The following ANK3 variants were observed in gnomAD, a reference collection of about 807,000 sequenced individuals.
ANK3 encodes the protein ankyrin-3.
A neutral mutation model predicts 370.9 loss-of-function variants in ANK3; 57 were observed. The observed-to-expected ratio is 0.15, with a 90% CI of 0.12 to 0.19. The LOEUF (loss-of-function observed/expected upper bound fraction) is 0.19. Among genes scored for constraint, ANK3 ranks in the 10% least tolerant of loss-of-function variants. The pLI is 1.00. For missense variants in ANK3, 4,439 were observed against 5,302.1 expected (o/e 0.84, Z 5.06); for synonymous variants, 1,929 against 1,946.3 (o/e 0.99, Z 0.23).
intron 2 of ANK3, among the ~76,000 whole-genome samples, chr10:60,503,179 G>A (rs917067052): frequency 6.6e-6 from 1 of 152,062 alleles, no homozygotes; most frequent in African/African-American, 2.4e-5. Flanking sequence ...AGAGGACTTT[G>A]GCATACAAAG....
At chr10:60,377,730 G>T (rs1002011503) in intron 1 of ANK3, among the ~76,000 whole-genome samples, 3 of 152,156 alleles carry the variant, frequency 2.0e-5, no homozygotes, top group African/African-American at 7.2e-5. Context: ...AAGGCCAGGG[G>T]CAGGGTGCCT....
chr10:60,517,756 AAGAG>A (rs57698250), intron 2 of ANK3, among the ~76,000 whole-genome samples: 18,283 of 149,662 alleles, frequency 0.12, 1,454 homozygotes, highest in South Asian at 0.19. Flanking sequence ...AAAAGAGAGA[AAGAG>A]AGAGAGAGAG....
chr10:60,080,734 ATG>A, intron 35 of ANK3, 116 bp from the exon 36 acceptor site: 1 of 911,280 alleles, frequency 1.1e-6, no homozygotes, highest in Non-Finnish European at 1.6e-6. Context: ...TTCTTAGGAA[ATG>A]TTAATTTCCC....
chr10:60,192,649 A>G (rs1018366009), intron 16 of ANK3, among the ~76,000 whole-genome samples: 1 of 152,186 alleles, frequency 6.6e-6, no homozygotes, highest in Non-Finnish European at 1.5e-5. Flanking sequence ...ATGTGTGCAC[A>G]TGGACATAAA....
chr10:60,071,839 A>G lies in ANK3; in HGVS notation c.9042T>C (p.Asp3014=). Reference sequence around the variant, plus strand: ...TGATTTCTGAATAGGTAACTTTTTCATCTTCTATAGAATTAAAGTGCTGTG... The same window carrying G: ...TGATTTCTGAATAGGTAACTTTTTCGTCTTCTATAGAATTAAAGTGCTGTG... The part of the protein sequence containing the change: ...VETQHFNSIE[D]EKVTYSEISK... Residue 3014 remains aspartate, a synonymous_variant, in exon 37 of 44, where the codon GAT becomes GAC. Coordinates refer to ENST00000280772, the MANE Select transcript of ANK3 (RefSeq NM_020987.5). 1 of 1,612,974 alleles carries G rather than the reference A, an allele frequency of 6.2e-7. No individual in the cohort carries two copies. Among genetic ancestry groups the G allele is most frequent in the Non-Finnish European group, 8.5e-7 (1 of 1,179,522 alleles).
At chr10:60,140,800 T>C (rs946875513) in intron 23 of ANK3, 2 of 1,008,816 alleles carry the variant, frequency 2.0e-6, no homozygotes, top group Non-Finnish European at 2.4e-6. Context: ...CTTTCGGTAA[T>C]TTGATACCAA....
chr10:60,642,505 C>T (rs2078648508), intron 1 of ANK3, among the ~76,000 whole-genome samples: 1 of 151,996 alleles, frequency 6.6e-6, no homozygotes, highest in South Asian at 2.1e-4. Flanking sequence ...AATTGGAAAT[C>T]ATCATTCTCA....
intron 1 of ANK3, among the ~76,000 whole-genome samples, chr10:60,617,309 CT>C (rs149083066): frequency 1.3e-4 from 19 of 151,170 alleles, no homozygotes; most frequent in Admixed American, 1.3e-4. Context: ...TTACCCTTGG[CT>C]TTTTTTTTAA....
At chr10:60,442,122 A>T (rs145576306) in intron 2 of ANK3, among the ~76,000 whole-genome samples, 3 of 145,714 alleles carry the variant, frequency 2.1e-5, no homozygotes, top group African/African-American at 5.2e-5. Flanking sequence ...TTGAGATGGA[A>T]TCTTGCTCTG....
At chr10:60,560,066 TAGAG>T (rs765176045) in intron 2 of ANK3, among the ~76,000 whole-genome samples, 2 of 150,074 alleles carry the variant, frequency 1.3e-5, no homozygotes, top group Admixed American at 6.6e-5. Flanking sequence ...GATAGATGGA[TAGAG>T]AGAGAGAGAG....
chr10:60,173,156 G>A lies in ANK3; in HGVS notation c.2215C>T (p.His739Tyr), dbSNP rs769810351. ...MGYTPLHVGC[H>Y]YGNIKIVNFL... Reference sequence around the variant, plus strand: ...TTAACAATCTTGATATTTCCATAGTGGCAGCCCACATGCAGTGGTGTGTAT... The same window carrying A: ...TTAACAATCTTGATATTTCCATAGTAGCAGCCCACATGCAGTGGTGTGTAT... The change falls in exon 19 of 44, where the codon CAC (histidine) becomes TAC (tyrosine). Residue 739 changes from histidine to tyrosine, a missense_variant. By Grantham distance (83) the His-to-Tyr change is moderately conservative. Coordinates refer to ENST00000280772, the MANE Select transcript of ANK3 (RefSeq NM_020987.5). The A allele has an allele frequency of 5.6e-6, 9 of 1,613,768 alleles. No homozygotes were observed. The highest frequency in any genetic ancestry group is 5.0e-5 in the Admixed American group (3 of 59,982).
Position 60,223,712 on chromosome 10 carries a change from A to G in ANK3, c.898-10202T>C, listed in dbSNP as rs894968139. Among the ~76,000 whole-genome samples the G allele has an allele frequency of 2.6e-5, 4 of 152,192 alleles. No homozygotes were observed. The South Asian group carries it at 6.2e-4, about 24-fold the overall frequency. On this transcript the variant is annotated intron_variant, in intron 8 of 43. Coordinates refer to ENST00000280772, the MANE Select transcript of ANK3 (RefSeq NM_020987.5). ...TGTCTACTTCAGTAGCACTATTAAA[A>G]TACCTTATTTTTCCAGAAAAGTAAA...
chr10:60,236,676 A>G (rs1219205646), intron 7 of ANK3, among the ~76,000 whole-genome samples: 2 of 152,236 alleles, frequency 1.3e-5, no homozygotes, highest in African/African-American at 4.8e-5. Context: ...AAGGTTGCAC[A>G]TTCTCTTTGC....
In ANK3 at chr10:60,501,554, A is replaced by G. The variant is rs2133143897; in HGVS notation, c.96+113632T>C. ...ACCCTGTTTCTACCAAAAATACAAAAATTAGCTGGGCGTGGTGGTGCACAC... is the reference window on the plus strand; with the variant it reads ...ACCCTGTTTCTACCAAAAATACAAAGATTAGCTGGGCGTGGTGGTGCACAC... On this transcript the variant is annotated intron_variant, in intron 2 of 43. Transcript: ENST00000373827. Among the ~76,000 whole-genome samples the G allele has an allele frequency of 2.0e-5, 3 of 152,106 alleles. No individual in the cohort carries two copies. The Middle Eastern group carries it at 0.01, about 517-fold the overall frequency.
At chr10:60,271,059 A>G (rs1022945112) in intron 4 of ANK3, among the ~76,000 whole-genome samples, 1 of 152,054 alleles carries the variant, frequency 6.6e-6, no homozygotes, top group African/African-American at 2.4e-5. Context: ...TTTCCTACTA[A>G]AAAAATGTTG....
At chr10:60,688,720 G>A (rs561573476) in intron 1 of ANK3, among the ~76,000 whole-genome samples, 2 of 152,104 alleles carry the variant, frequency 1.3e-5, no homozygotes, top group East Asian at 1.9e-4. Context: ...AGGCCGAGGC[G>A]GGCGGATCAC....
intron 1 of ANK3, among the ~76,000 whole-genome samples, chr10:60,331,481 A>C (rs1449465071): frequency 6.6e-6 from 1 of 152,094 alleles, no homozygotes; most frequent in Admixed American, 6.6e-5. Flanking sequence ...TACTTTAAAA[A>C]ATTTCGACAA....
At chr10:60,479,612 C>A (rs2075158633) in intron 2 of ANK3, among the ~76,000 whole-genome samples, 3 of 152,076 alleles carry the variant, frequency 2.0e-5, no homozygotes, top group Admixed American at 2.0e-4. Context: ...TAAAAATTTT[C>A]AAAGTCATCC....
rs2131981188 is a variant in ANK3 at position 60,074,394 on chromosome 10, T to C, written c.6487A>G (p.Thr2163Ala). Residue 2163 changes from threonine (T) to alanine (A), a missense_variant, in exon 37 of 44, where the codon ACA (threonine) becomes GCA (alanine). Coordinates refer to ENST00000280772, the MANE Select transcript of ANK3 (RefSeq NM_020987.5). The part of the protein sequence containing the change: ...FHEVPIPPVI[T>A]ETRTEVVHVI... ...TGAACCACTTCAGTTCTTGTTTCTG[T>C]AATGACAGGAGGGATGGGAACTTCA... 1 of 1,614,094 alleles carries C rather than the reference T, an allele frequency of 6.2e-7. No homozygotes were observed. Among genetic ancestry groups the C allele is most frequent in the Non-Finnish European group, 8.5e-7 (1 of 1,179,996 alleles).
Sources: allele counts gnomAD v4.1 joint callset (sites outside exome capture counted in the v4.1 genomes callset), GRCh38; gene constraint gnomAD v4.1.1; transcripts MANE v1.5; gene names NCBI Gene and HGNC (gene_info 2026-07-23, HGNC 2026-07-21).